Variants in RGS22 observed in about 807,000 individuals in gnomAD.
RGS22 encodes the protein regulator of G protein signaling 22.
Under a neutral mutation model 172.9 loss-of-function variants are expected in RGS22, and 148 were observed. The ratio of observed to expected loss-of-function variants is 0.86; its 90% CI spans 0.75 to 0.98. The LOEUF (loss-of-function observed/expected upper bound fraction) is 0.98, where lower values mean the gene tolerates loss of function less well. RGS22 is among the 50% of genes least tolerant of loss of function. The pLI, the probability that RGS22 is intolerant of heterozygous loss-of-function variation, is 0.00. For missense variants in RGS22, 1,347 were observed against 1,440.8 expected, an observed-to-expected ratio of 0.93 and a Z score of 1.05; for synonymous variants, 458 against 480.2, an observed-to-expected ratio of 0.95 and a Z score of 0.60.
chr8:100,011,915 C>T (rs569771547), intron 14 of RGS22, among the ~76,000 whole-genome samples: 1 of 151,986 alleles, frequency 6.6e-6, no homozygotes, highest in South Asian at 2.1e-4. Flanking sequence ...GGGTAAATAT[C>T]AATAAATACT....
At chr8:100,029,298 T>C (rs1343275730) in intron 14 of RGS22, among the ~76,000 whole-genome samples, 1 of 152,204 alleles carries the variant, frequency 6.6e-6, no homozygotes, top group Non-Finnish European at 1.5e-5. Context: ...GAGATAATGA[T>C]GTGTGTTGCT....
At chr8:100,068,024 T>C (rs968503592) in intron 6 of RGS22, among the ~76,000 whole-genome samples, 1 of 152,166 alleles carries the variant, frequency 6.6e-6, no homozygotes, top group Non-Finnish European at 1.5e-5. Context: ...TGTATAATCA[T>C]GACATAAATA....
intron 22 of RGS22, among the ~76,000 whole-genome samples, chr8:99,978,288 T>A (rs1812201808): frequency 6.6e-6 from 1 of 152,104 alleles, no homozygotes; most frequent in East Asian, 1.9e-4. Context: ...TAAAAAAAAA[T>A]ACATTAAATA....
At chr8:100,040,599 G>T (rs1410480082) in intron 12 of RGS22, among the ~76,000 whole-genome samples, 2 of 152,102 alleles carry the variant, frequency 1.3e-5, no homozygotes. Context: ...AAATGGCAGT[G>T]TAAGTTCTCA....
rs184098647 is a variant in RGS22, at chr8:100,023,580, C to T, written c.2167-15011G>A. On this transcript the variant is annotated intron_variant, in intron 14 of 27. Coordinates refer to ENST00000360863, the MANE Select transcript of RGS22 (RefSeq NM_015668.5). Reference sequence around the variant, plus strand: ...TCCCAAGTAGCTGGGACTACAAGCACGGGCCACCACACCTGGCTAATTTTT... The same window carrying T: ...TCCCAAGTAGCTGGGACTACAAGCATGGGCCACCACACCTGGCTAATTTTT... 2.2e-4 allele frequency among the ~76,000 whole-genome samples: 34 copies of T among 152,144 alleles called. No individual in the cohort carries two copies. The East Asian group carries it at 5.4e-3, about 24-fold the overall frequency.
chr8:100,021,118 T>C (rs1301877109), intron 14 of RGS22, among the ~76,000 whole-genome samples: 1 of 152,046 alleles, frequency 6.6e-6, no homozygotes, highest in Admixed American at 6.5e-5. Context: ...GAAAGAGAAA[T>C]AAAGTAGGAA....
chr8:100,098,124 C>T (rs1813127551), intron 2 of RGS22, among the ~76,000 whole-genome samples: 1 of 152,138 alleles, frequency 6.6e-6, no homozygotes, highest in African/African-American at 2.4e-5. Flanking sequence ...TATATTTCCC[C>T]TATAAAAACC....
intron 21 of RGS22, 71 bp downstream of exon 21, chr8:99,987,387 G>T: frequency 8.2e-7 from 1 of 1,214,050 alleles, no homozygotes; most frequent in Non-Finnish European, 1.2e-6. Context: ...CATAAAGTTA[G>T]TTAAAAATCT....
At chr8:100,022,840 A>C (rs922702507) in intron 14 of RGS22, among the ~76,000 whole-genome samples, 1 of 151,972 alleles carries the variant, frequency 6.6e-6, no homozygotes, top group Non-Finnish European at 1.5e-5. Context: ...CCTAGGCTCA[A>C]GCCTAGCCTC....
chr8:100,080,172 C>T lies in RGS22; in HGVS notation c.301G>A (p.Asp101Asn), dbSNP rs144107646. 6,267 of 1,612,524 alleles carry T rather than the reference C, an allele frequency of 3.9e-3. 15 individuals carry two copies. Among genetic ancestry groups the T allele is most frequent in the Middle Eastern group, 6.1e-3 (37 of 6,054 alleles). Residue 101 changes from aspartate (D) to asparagine (N), a missense_variant, in exon 4 of 28, where the codon GAT (aspartate) becomes AAT (asparagine). Coordinates refer to ENST00000360863, the MANE Select transcript of RGS22 (RefSeq NM_015668.5). ...EVKPVQMNAPDEDETINVNYN... is the reference protein window; with the variant it reads ...EVKPVQMNAPNEDETINVNYN... ...TTGACATTAATGGTCTCATCTTCATCGGGGGCATTCATTTGAACAGGTTTA... is the reference window on the plus strand; with the variant it reads ...TTGACATTAATGGTCTCATCTTCATTGGGGGCATTCATTTGAACAGGTTTA...
chr8:99,991,768 C>T (rs1381495390), intron 20 of RGS22, among the ~76,000 whole-genome samples: 1 of 152,116 alleles, frequency 6.6e-6, no homozygotes, highest in Non-Finnish European at 1.5e-5. Context: ...ATACAGAATA[C>T]ACCAGAAAGA....
At chr8:100,005,796 C>T (rs1815631032) in intron 16 of RGS22, among the ~76,000 whole-genome samples, 1 of 152,150 alleles carries the variant, frequency 6.6e-6, no homozygotes, top group Non-Finnish European at 1.5e-5. Flanking sequence ...GGCCTGGCTC[C>T]CTACCAAATA....
Position 99,982,002 on chromosome 8 carries a change from C to T in RGS22, c.3295G>A (p.Glu1099Lys), listed in dbSNP as rs759188760. 1 of 1,613,980 alleles carries T rather than the reference C, an allele frequency of 6.2e-7. No homozygotes were observed. The highest frequency in any genetic ancestry group is 8.5e-7 in the Non-Finnish European group (1 of 1,179,936). ...TGTTCAATAATCTTCTGGGCTTGCT[C>T]TACTGGAATGTCAATTTGTAAAGCT... is the stretch of plus-strand genomic sequence containing the variant. ...PPALQIDIPV[E>K]QAQKIIEHRK... Residue 1099 changes from glutamate (E) to lysine (K), a missense_variant, in exon 22 of 28, where the codon GAG becomes AAG. Physicochemically the swap from Glu to Lys is moderately conservative, Grantham distance 56 (BLOSUM62 1). Transcript: ENST00000360863.
At chr8:99,970,564 A>G (rs1048661464) in intron 23 of RGS22, among the ~76,000 whole-genome samples, 1 of 152,252 alleles carries the variant, frequency 6.6e-6, no homozygotes, top group African/African-American at 2.4e-5. Context: ...CGAATCCCAC[A>G]GAAATACAAA....
intron 10 of RGS22, among the ~76,000 whole-genome samples, chr8:100,052,210 TATAA>T (rs529483624): frequency 3.9e-5 from 5 of 129,104 alleles, no homozygotes; most frequent in African/African-American, 6.4e-5. Context: ...TATAAACATA[TATAA>T]ATATACACAT....
chr8:100,072,016 G>T (rs972781870), intron 5 of RGS22, 129 bp downstream of exon 5: 2 of 595,476 alleles, frequency 3.4e-6, no homozygotes, highest in African/African-American at 2.0e-5. Flanking sequence ...GGGCAATATA[G>T]CAAGACCCTG....
chr8:100,040,981 GA>G (rs963193784), intron 12 of RGS22, among the ~76,000 whole-genome samples: 3 of 151,834 alleles, frequency 2.0e-5, no homozygotes, highest in South Asian at 2.1e-4. Flanking sequence ...TATTTTAGTA[GA>G]AAAAAACAGT....
intron 8 of RGS22, among the ~76,000 whole-genome samples, chr8:100,063,050 G>T (rs907114832): frequency 1.3e-5 from 2 of 152,086 alleles, no homozygotes; most frequent in Non-Finnish European, 2.9e-5. Context: ...GAGAGTAGGT[G>T]TCTATTTTAT....
intron 10 of RGS22, 102 bp downstream of exon 10, chr8:100,052,700 T>C: frequency 8.9e-7 from 1 of 1,128,890 alleles, no homozygotes; most frequent in Non-Finnish European, 1.3e-6. Flanking sequence ...TTAGCAAAAA[T>C]CACAACAAAG....
Sources: gnomAD v4.1 joint callset for allele counts (sites outside exome capture counted in the v4.1 genomes callset) on GRCh38, gnomAD v4.1.1 for gene constraint, MANE v1.5 for transcripts, NCBI Gene and HGNC (gene_info 2026-07-23, HGNC 2026-07-21) for gene names.